TMEM131: variants seen among roughly 807,000 people sequenced by gnomAD.
TMEM131 encodes transmembrane protein 131.
Under a neutral mutation model 211.6 loss-of-function variants are expected in TMEM131, and 66 were observed. That is an observed-to-expected ratio of 0.31 (90% CI 0.26 to 0.38). The LOEUF (loss-of-function observed/expected upper bound fraction) is 0.38, where lower values mean the gene tolerates loss of function less well. Ranked by LOEUF, TMEM131 falls within the 10% of genes least tolerant of loss-of-function variation. The pLI is 1.00. For synonymous variants in TMEM131, 844 were observed against 841.3 expected, an observed-to-expected ratio of 1.00 and a Z score of -0.06; for missense variants, 2,036 against 2,299.3, an observed-to-expected ratio of 0.89 and a Z score of 2.34.
intron 2 of TMEM131, chr2:97,911,632 C>T (rs1373007199): frequency 1.0e-6 from 1 of 985,096 alleles, no homozygotes; most frequent in Non-Finnish European, 1.2e-6. Context: ...AATGAGGAAG[C>T]TGTCTTGTGA....
chr2:97,845,319 T>C (rs1683374193), intron 5 of TMEM131, among the ~76,000 whole-genome samples: 1 of 151,968 alleles, frequency 6.6e-6, no homozygotes, highest in Non-Finnish European at 1.5e-5. Flanking sequence ...GCAGCTAACA[T>C]GTTTACACAT....
chr2:97,847,620 T>A (rs1300562895), intron 5 of TMEM131, among the ~76,000 whole-genome samples: 5 of 152,146 alleles, frequency 3.3e-5, no homozygotes, highest in East Asian at 1.9e-4. Flanking sequence ...ATATATCTAA[T>A]GCAAGTGGAA....
At chr2:97,857,103 A>C (rs568612978) in intron 5 of TMEM131, among the ~76,000 whole-genome samples, 1 of 152,352 alleles carries the variant, frequency 6.6e-6, no homozygotes, top group South Asian at 2.1e-4. Context: ...AGAAACGTCA[A>C]GTTAGTAGCC....
chr2:97,757,073 C>A lies in TMEM131; in HGVS notation c.*26G>T. 1 of 1,558,608 alleles carries A rather than the reference C, an allele frequency of 6.4e-7. No homozygotes were observed. The highest frequency in any genetic ancestry group is 8.7e-7 in the Non-Finnish European group (1 of 1,148,994). ...ACATCATGATCTAGACGAGGGCCCACTATGTTTGTTTGTTTTTTGCTTAAT... is the reference window on the plus strand; with the variant it reads ...ACATCATGATCTAGACGAGGGCCCAATATGTTTGTTTGTTTTTTGCTTAAT... On this transcript the variant is annotated 3_prime_UTR_variant, in exon 41 of 41. Coordinates refer to ENST00000186436, the MANE Select transcript of TMEM131 (RefSeq NM_015348.2).
intron 1 of TMEM131, among the ~76,000 whole-genome samples, chr2:97,943,047 A>AAGAAAGAAAGAAAGAAAG (rs1559464525): frequency 3.5e-5 from 2 of 57,196 alleles, no homozygotes; most frequent in East Asian, 6.3e-4. Flanking sequence ...AAAAGAAAGA[A>AAGAAAGAAAGAAAGAAAG]AGAAAGAAAG....
intron 3 of TMEM131, among the ~76,000 whole-genome samples, chr2:97,901,927 C>A (rs1675869284): frequency 6.6e-6 from 1 of 152,080 alleles, no homozygotes; most frequent in South Asian, 2.1e-4. Context: ...TTGCATATTT[C>A]AAAGTCACTA....
At chr2:97,972,919 A>C (rs564045473) in intron 1 of TMEM131, among the ~76,000 whole-genome samples, 9 of 152,202 alleles carry the variant, frequency 5.9e-5, no homozygotes, top group Non-Finnish European at 1.3e-4. Context: ...TAGGGCCTTC[A>C]GAAAGAAATA....
intron 5 of TMEM131, among the ~76,000 whole-genome samples, chr2:97,857,375 C>A (rs1057022883): frequency 6.6e-6 from 1 of 152,080 alleles, no homozygotes; most frequent in Admixed American, 6.6e-5. Flanking sequence ...GTTTACCTAG[C>A]CCAGTTTAAG....
intron 32 of TMEM131, among the ~76,000 whole-genome samples, chr2:97,773,958 G>A (rs971321732): frequency 7.9e-5 from 12 of 152,192 alleles, no homozygotes; most frequent in African/African-American, 1.4e-4. Context: ...GGGGAAGGAC[G>A]TACTCAGCAA....
intron 4 of TMEM131, among the ~76,000 whole-genome samples, chr2:97,879,071 G>A (rs1281734940): frequency 6.6e-6 from 1 of 152,120 alleles, no homozygotes; most frequent in East Asian, 1.9e-4. Flanking sequence ...ATCTCAGCAG[G>A]ATTAACACCA....
chr2:97,776,493 T>G (rs1008520304), intron 31 of TMEM131, among the ~76,000 whole-genome samples: 6 of 152,236 alleles, frequency 3.9e-5, no homozygotes, highest in African/African-American at 1.4e-4. Flanking sequence ...TTTGACTTTG[T>G]GATGAGAACA....
chr2:97,859,484 T>TA (rs1673978049), intron 4 of TMEM131, 57 bp from the exon 5 acceptor site: 16 of 1,411,224 alleles, frequency 1.1e-5, no homozygotes, highest in Non-Finnish European at 1.3e-5. Flanking sequence ...TGATTATTTC[T>TA]AGTTGTTAAA....
intron 1 of TMEM131, among the ~76,000 whole-genome samples, chr2:97,960,301 T>C (rs1361430876): frequency 6.6e-6 from 1 of 152,222 alleles, no homozygotes; most frequent in East Asian, 1.9e-4. Flanking sequence ...TCATTCCTTG[T>C]ACATTTACTA....
intron 1 of TMEM131, among the ~76,000 whole-genome samples, chr2:97,932,119 G>T (rs1327648294): frequency 6.7e-6 from 1 of 150,138 alleles, no homozygotes; most frequent in Non-Finnish European, 1.5e-5. Flanking sequence ...TCCAGCTTGG[G>T]TGACAGAACA....
intron 33 of TMEM131, among the ~76,000 whole-genome samples, chr2:97,771,086 T>G (rs944204244): frequency 1.3e-5 from 2 of 152,040 alleles, no homozygotes; most frequent in African/African-American, 4.8e-5. Flanking sequence ...GGTCTCCTTT[T>G]CTCTCTCCCC....
chr2:97,797,264 C>G (rs1041428659), intron 26 of TMEM131, 101 bp downstream of exon 26: 3 of 1,179,938 alleles, frequency 2.5e-6, no homozygotes, highest in Admixed American at 4.7e-5. Flanking sequence ...AAAGTGAATT[C>G]AAACTATTTC....
chr2:97,885,221 G>A (rs113715647), intron 4 of TMEM131, among the ~76,000 whole-genome samples: 1,815 of 151,496 alleles, frequency 0.012, 38 homozygotes, highest in African/African-American at 0.041. Flanking sequence ...TTTTTGAGAC[G>A]GAGTCTCGCT....
chr2:97,895,231 G>A (rs1488874640), intron 3 of TMEM131, among the ~76,000 whole-genome samples: 3 of 152,150 alleles, frequency 2.0e-5, no homozygotes, highest in African/African-American at 7.2e-5. Flanking sequence ...CAACTTGATC[G>A]TGGTAGATAA....
chr2:97,822,395 A>T (rs1682167335), intron 11 of TMEM131, among the ~76,000 whole-genome samples: 1 of 152,228 alleles, frequency 6.6e-6, no homozygotes, highest in Non-Finnish European at 1.5e-5. Flanking sequence ...AAGTGAGGAT[A>T]AAAGGCGTCA....
Sources: gnomAD v4.1 joint callset for allele counts (sites outside exome capture counted in the v4.1 genomes callset) on GRCh38, gnomAD v4.1.1 for gene constraint, MANE v1.5 for transcripts, NCBI Gene and HGNC (gene_info 2026-07-23, HGNC 2026-07-21) for gene names.